The following FMN1 variants were observed in gnomAD, a reference collection of about 807,000 sequenced individuals.
FMN1 encodes formin 1, also known as formin-1.
In FMN1, 110 loss-of-function variants were observed where a neutral mutation model predicts 132.4. That is an observed-to-expected ratio of 0.83 (90% CI 0.71 to 0.97). The LOEUF (loss-of-function observed/expected upper bound fraction) is 0.97, where lower values mean the gene tolerates loss of function less well. FMN1 is among the 50% of genes least tolerant of loss of function. FMN1 has a pLI of 0.00. For missense variants in FMN1, 1,792 were observed against 1,705.3 expected (o/e 1.05, Z -0.90); for synonymous variants, 722 against 651.7 (o/e 1.11, Z -1.64).
Position 33,188,130 on chromosome 15 carries a change from C to T in FMN1, c.-197+5779G>A, listed in dbSNP as rs190030921. Among the ~76,000 whole-genome samples, 1,132 of 151,726 alleles carry T rather than the reference C, an allele frequency of 7.5e-3. 15 individuals are homozygous for T. The highest frequency in any genetic ancestry group is 0.014 in the Middle Eastern group (4 of 294). ...CGGGCAGATCACAAGGTCAGGAGTT[C>T]GAGACCAGCCTGGCCAAGATGGTGA... On this transcript the variant is annotated intron_variant, in intron 2 of 20. Transcript: ENST00000616417.
chr15:33,087,435 T>A (rs1254910387), intron 5 of FMN1, among the ~76,000 whole-genome samples: 1 of 152,076 alleles, frequency 6.6e-6, no homozygotes, highest in East Asian at 1.9e-4. Context: ...AAGCCCAGCT[T>A]CTCAGGAGGC....
chr15:33,106,851 A>C (rs575393971), intron 4 of FMN1, among the ~76,000 whole-genome samples: 69 of 152,140 alleles, frequency 4.5e-4, no homozygotes, highest in African/African-American at 1.3e-3. Flanking sequence ...TAAATGTTTC[A>C]GCACCCCAAA....
intron 2 of FMN1, among the ~76,000 whole-genome samples, chr15:33,186,344 T>G (rs1965886288): frequency 6.6e-6 from 1 of 152,146 alleles, no homozygotes; most frequent in Non-Finnish European, 1.5e-5. Flanking sequence ...AGACACTTTC[T>G]CATGCTGAGT....
intron 4 of FMN1, among the ~76,000 whole-genome samples, chr15:33,121,801 G>A (rs1163718821): frequency 2.0e-5 from 3 of 152,140 alleles, no homozygotes; most frequent in African/African-American, 7.2e-5. Context: ...AAAGTGCTAG[G>A]ATTATAGGCG....
intron 17 of FMN1, among the ~76,000 whole-genome samples, chr15:32,830,740 A>T (rs886199386): frequency 2.0e-5 from 3 of 152,162 alleles, no homozygotes; most frequent in Admixed American, 6.5e-5. Context: ...TCCCAGGAGT[A>T]TATGTAAGAA....
intron 5 of FMN1, chr15:33,067,918 T>C: frequency 3.2e-6 from 5 of 1,571,594 alleles, no homozygotes; most frequent in Non-Finnish European, 4.3e-6. Context: ...AGTTCTGACT[T>C]GTGTTACCTT....
intron 9 of FMN1, among the ~76,000 whole-genome samples, chr15:32,936,860 T>G (rs1021546762): frequency 1.3e-5 from 2 of 152,162 alleles, no homozygotes; most frequent in Non-Finnish European, 2.9e-5. Context: ...TTCTTTCCCC[T>G]GCAGTCCATG....
intron 4 of FMN1, among the ~76,000 whole-genome samples, chr15:33,114,849 CTT>C (rs1399109470): frequency 1.3e-5 from 2 of 151,008 alleles, no homozygotes; most frequent in Non-Finnish European, 2.9e-5. Flanking sequence ...TGGAAATTAA[CTT>C]TTTTCCCCTC....
Position 32,898,886 on chromosome 15 carries a change from C to T in FMN1, c.3662G>A (p.Gly1221Glu). Reference protein sequence around the residue: ...KLKDVKSRDNGINLVDYVVKY... With the variant: ...KLKDVKSRDNEINLVDYVVKY... ...AACAACGTAGTCCACCAGATTAATC[C>T]CATTATCCTAGGTTTAAAAGAGAAA... The change falls in exon 15 of 21, where the codon GGG (glycine) becomes GAG (glutamate). Residue 1221 changes from glycine (G) to glutamate (E), a missense_variant. Coordinates refer to ENST00000616417, the MANE Select transcript of FMN1 (RefSeq NM_001277313.2). 1 of 1,588,924 alleles carries T rather than the reference C, an allele frequency of 6.3e-7. No individual in the cohort carries two copies. Among genetic ancestry groups the T allele is most frequent in the Non-Finnish European group, 8.6e-7 (1 of 1,159,770 alleles).
intron 6 of FMN1, among the ~76,000 whole-genome samples, chr15:33,016,633 T>C (rs906310193): frequency 2.0e-5 from 3 of 152,200 alleles, no homozygotes; most frequent in African/African-American, 7.2e-5. Flanking sequence ...GAGAGGCTGT[T>C]ACCTGTAATG....
chr15:32,864,733 T>C (rs1349448418), intron 16 of FMN1, among the ~76,000 whole-genome samples: 2 of 152,188 alleles, frequency 1.3e-5, no homozygotes, highest in Non-Finnish European at 2.9e-5. Flanking sequence ...TGCCTTTTTA[T>C]AGACAAACAA....
intron 17 of FMN1, among the ~76,000 whole-genome samples, chr15:32,852,626 C>T (rs944959634): frequency 3.3e-5 from 5 of 152,252 alleles, no homozygotes; most frequent in Admixed American, 3.3e-4. Flanking sequence ...CTCGGCTTTG[C>T]CATTGCTTTT....
At chr15:32,804,164 G>T in intron 18 of FMN1, 117 bp downstream of exon 18, 1 of 738,314 alleles carries the variant, frequency 1.4e-6, no homozygotes, top group Non-Finnish European at 2.2e-6. Flanking sequence ...GTTTCAGTTG[G>T]GGAAGTAAAA....
At chr15:32,819,992 GAAT>G (rs1938411477) in intron 17 of FMN1, among the ~76,000 whole-genome samples, 2 of 152,260 alleles carry the variant, frequency 1.3e-5, no homozygotes, top group African/African-American at 4.8e-5. Flanking sequence ...ATGGTGGACT[GAAT>G]AATAAGTCCA....
intron 4 of FMN1, among the ~76,000 whole-genome samples, chr15:33,127,863 G>A (rs1225984973): frequency 6.6e-6 from 1 of 152,226 alleles, no homozygotes; most frequent in Non-Finnish European, 1.5e-5. Context: ...AAGTGAGACA[G>A]TGCTGTTTCC....
chr15:32,987,574 A>T (rs181096753), intron 7 of FMN1, among the ~76,000 whole-genome samples: 1 of 152,186 alleles, frequency 6.6e-6, no homozygotes, highest in Admixed American at 6.6e-5. Context: ...GAAAGAAAAA[A>T]ACTTTGATTT....
At chr15:32,900,698 G>A (rs978070055) in intron 13 of FMN1, among the ~76,000 whole-genome samples, 5 of 152,076 alleles carry the variant, frequency 3.3e-5, no homozygotes, top group Non-Finnish European at 5.9e-5. Context: ...TTGTTGTATT[G>A]TCTATTAACT....
At chr15:33,178,955 A>T (rs1314226102) in intron 3 of FMN1, among the ~76,000 whole-genome samples, 3 of 152,234 alleles carry the variant, frequency 2.0e-5, no homozygotes, top group Non-Finnish European at 2.9e-5. Flanking sequence ...TTCAGTAAAT[A>T]GTGGATTAAA....
At chr15:32,942,825 G>A (rs1442779913) in intron 9 of FMN1, among the ~76,000 whole-genome samples, 2 of 152,170 alleles carry the variant, frequency 1.3e-5, no homozygotes, top group Non-Finnish European at 2.9e-5. Context: ...TATCACCAAT[G>A]AATAGCTGCT....
Sources: gnomAD v4.1 joint callset for allele counts (sites outside exome capture counted in the v4.1 genomes callset) on GRCh38, gnomAD v4.1.1 for gene constraint, MANE v1.5 for transcripts, NCBI Gene and HGNC (gene_info 2026-07-23, HGNC 2026-07-21) for gene names.